SCLT1: variants seen among roughly 807,000 people sequenced by gnomAD.
SCLT1 encodes the protein sodium channel and clathrin linker 1.
SCLT1 carries 78 observed loss-of-function variants against 112.8 expected under a neutral mutation model. The observed-to-expected ratio is 0.69, with a 90% CI of 0.58 to 0.83. The LOEUF is 0.83. Ranked by LOEUF, SCLT1 falls within the 40% of genes least tolerant of loss-of-function variation. The probability of loss-of-function intolerance (pLI) is 0.00; values close to 1 mark genes in which losing one functional copy is unlikely to be tolerated. For missense variants in SCLT1, 747 were observed against 770.4 expected, an observed-to-expected ratio of 0.97 and a Z score of 0.36; for synonymous variants, 257 against 254.7, an observed-to-expected ratio of 1.01 and a Z score of -0.09.
At chr4:128,876,125 A>G (rs965388675) in intron 4 of SCLT1, among the ~76,000 whole-genome samples, 1 of 151,868 alleles carries the variant, frequency 6.6e-6, no homozygotes. Context: ...ACTGGTGTGA[A>G]TTATGCATTC....
intron 20 of SCLT1, 69 bp from the exon 21 acceptor site, chr4:128,884,608 A>C (rs1732750972): frequency 1.1e-6 from 1 of 936,668 alleles, no homozygotes; most frequent in South Asian, 1.3e-5. Flanking sequence ...AATACAAAGA[A>C]GAATGCATCA....
intron 12 of SCLT1, among the ~76,000 whole-genome samples, chr4:128,959,313 GT>G (rs948852751): frequency 0.014 from 1,993 of 146,730 alleles, 43 homozygotes; most frequent in African/African-American, 0.042. Flanking sequence ...ACTGTTAACA[GT>G]TTTTTTTTTT....
In SCLT1 at chr4:129,093,232, T is replaced by A. The variant is rs1393776357; in HGVS notation, c.-129A>T. ...TGTCAAGCGCTCCAGCGGTGCAATCTGCATCCTACTCACGCGGCATCTACA... is the reference window on the plus strand; with the variant it reads ...TGTCAAGCGCTCCAGCGGTGCAATCAGCATCCTACTCACGCGGCATCTACA... On this transcript the variant is annotated 5_prime_UTR_variant, in exon 1 of 21. Transcript: ENST00000281142. 2 of 792,522 alleles carry A rather than the reference T, an allele frequency of 2.5e-6. No homozygotes were observed. Among genetic ancestry groups the A allele is most frequent in the South Asian group, 1.4e-5 (1 of 69,696 alleles). 49.1% of individuals were successfully genotyped at this position (792,522 alleles called of 1,614,324 possible).
chr4:129,088,669 C>G (rs921242615), intron 1 of SCLT1, among the ~76,000 whole-genome samples: 1 of 152,172 alleles, frequency 6.6e-6, no homozygotes, highest in South Asian at 2.1e-4. Context: ...GGCTGCAGAG[C>G]AGAATATTAA....
At chr4:129,086,018 A>T (rs1018589891) in intron 1 of SCLT1, among the ~76,000 whole-genome samples, 2 of 152,174 alleles carry the variant, frequency 1.3e-5, no homozygotes, top group African/African-American at 2.4e-5. Flanking sequence ...GATAAATTTT[A>T]AAAAAAGAAA....
intron 18 of SCLT1, among the ~76,000 whole-genome samples, chr4:128,921,278 C>T (rs34484031): frequency 0.11 from 16,597 of 152,174 alleles, 1,180 homozygotes; most frequent in Middle Eastern, 0.24. Flanking sequence ...CAATGACATT[C>T]TTCACAGAAT....
At chr4:128,920,119 C>T (rs542025405) in intron 18 of SCLT1, among the ~76,000 whole-genome samples, 2 of 152,246 alleles carry the variant, frequency 1.3e-5, no homozygotes, top group African/African-American at 4.8e-5. Context: ...GGCCAATATT[C>T]CTGATGATCA....
downstream of SCLT1, among the ~76,000 whole-genome samples, chr4:128,881,455 T>A (rs1213930542): frequency 6.6e-6 from 1 of 152,220 alleles, no homozygotes; most frequent in Non-Finnish European, 1.5e-5. Context: ...GAATTGTTGC[T>A]AATGTTTTCC....
chr4:129,090,614 T>C (rs949985440), intron 1 of SCLT1, among the ~76,000 whole-genome samples: 3 of 152,202 alleles, frequency 2.0e-5, no homozygotes, highest in Non-Finnish European at 4.4e-5. Context: ...TTCATCAAAA[T>C]TAAAAATGTT....
chr4:129,070,801 C>T (rs1750938881), intron 2 of SCLT1, among the ~76,000 whole-genome samples: 1 of 151,748 alleles, frequency 6.6e-6, no homozygotes, highest in African/African-American at 2.4e-5. Flanking sequence ...TGGTTATTTC[C>T]TTTGTTCTGC....
intron 9 of SCLT1, among the ~76,000 whole-genome samples, chr4:128,989,838 T>C (rs570656859): frequency 6.6e-6 from 1 of 151,714 alleles, no homozygotes; most frequent in Admixed American, 6.6e-5. Context: ...TGCCAATAAA[T>C]TAGAAAATCT....
intron 17 of SCLT1, among the ~76,000 whole-genome samples, chr4:128,940,332 A>G (rs1447200213): frequency 1.3e-5 from 2 of 152,176 alleles, no homozygotes; most frequent in East Asian, 3.9e-4. Context: ...ACAAATATAT[A>G]TTATAAAATG....
chr4:129,033,096 A>G (rs192477458), intron 5 of SCLT1, among the ~76,000 whole-genome samples: 33 of 152,312 alleles, frequency 2.2e-4, no homozygotes, highest in African/African-American at 7.7e-4. Context: ...ATGCCCATCA[A>G]TGAGAGACTG....
chr4:129,042,392 C>T (rs569623910), intron 4 of SCLT1, among the ~76,000 whole-genome samples: 2 of 152,216 alleles, frequency 1.3e-5, no homozygotes, highest in South Asian at 4.1e-4. Flanking sequence ...GTACCCTAAA[C>T]AATTTTGTGC....
chr4:128,914,934 A>G (rs1255801214), intron 18 of SCLT1, among the ~76,000 whole-genome samples: 1 of 152,160 alleles, frequency 6.6e-6, no homozygotes, highest in Non-Finnish European at 1.5e-5. Context: ...TCATTCTAGT[A>G]AACTCCTTTA....
At chr4:128,984,330 T>G (rs1391804774) in intron 9 of SCLT1, among the ~76,000 whole-genome samples, 1 of 152,180 alleles carries the variant, frequency 6.6e-6, no homozygotes, top group Non-Finnish European at 1.5e-5. Context: ...GAGCCAGGCT[T>G]AGAAGCTCAC....
chr4:129,064,830 C>T (rs966523421), intron 2 of SCLT1, among the ~76,000 whole-genome samples: 1 of 152,094 alleles, frequency 6.6e-6, no homozygotes, highest in African/African-American at 2.4e-5. Context: ...CTAAATGCCA[C>T]TGTGGTCAGA....
intron 9 of SCLT1, among the ~76,000 whole-genome samples, chr4:128,988,108 C>A (rs577857893): frequency 7.9e-5 from 12 of 151,746 alleles, no homozygotes; most frequent in African/African-American, 1.2e-4. Flanking sequence ...TTATTAGTAA[C>A]AAGAAATCAT....
intron 9 of SCLT1, among the ~76,000 whole-genome samples, chr4:128,973,233 T>C (rs1398002238): frequency 5.3e-5 from 8 of 152,140 alleles, no homozygotes; most frequent in Admixed American, 1.3e-4. Context: ...TTGAACACAC[T>C]GTATTGTAAT....
Sources: allele counts gnomAD v4.1 joint callset (sites outside exome capture counted in the v4.1 genomes callset), GRCh38; gene constraint gnomAD v4.1.1; transcripts MANE v1.5; gene names NCBI Gene and HGNC (gene_info 2026-07-23, HGNC 2026-07-21).